HDC: variants seen among roughly 807,000 people sequenced by gnomAD.
The protein encoded by HDC is histidine decarboxylase.
In HDC, 27 loss-of-function variants were observed where a neutral mutation model predicts 64.4. The ratio of observed to expected loss-of-function variants is 0.42; its 90% CI spans 0.31 to 0.58. HDC has a LOEUF of 0.58. Ranked by LOEUF, HDC falls within the 20% of genes least tolerant of loss-of-function variation. The pLI, the probability that HDC is intolerant of heterozygous loss-of-function variation, is 0.16. For missense variants in HDC, 711 were observed against 833.9 expected, an observed-to-expected ratio of 0.85 and a Z score of 1.81; for synonymous variants, 305 against 314.2, an observed-to-expected ratio of 0.97 and a Z score of 0.31.
intron 2 of HDC, among the ~76,000 whole-genome samples, chr15:50,260,913 T>C (rs755421349): frequency 6.6e-6 from 1 of 152,144 alleles, no homozygotes; most frequent in Non-Finnish European, 1.5e-5. Context: ...AGAGTTTTTC[T>C]TCTCTTATTT....
intron 9 of HDC, among the ~76,000 whole-genome samples, chr15:50,252,201 C>T (rs759238035): frequency 2.0e-5 from 3 of 152,246 alleles, no homozygotes; most frequent in African/African-American, 7.2e-5. Flanking sequence ...AATGTGCACA[C>T]TGCCTCAAAG....
At position 50,258,503 on chromosome 15, in the gene HDC, C is replaced by T; in HGVS notation, c.219G>A (p.Gln73=). ...RIIMPGVVHW[Q]SPHMHAYYPA... The stretch of plus-strand genomic sequence containing the variant: ...GGTAGTAGGCGTGCATATGGGGGCT[C>T]TGCCAATGTACCACCTGGAGGCAGA... Residue 73 remains glutamine (Q), a synonymous_variant, in exon 3 of 12, where the codon CAG becomes CAA. Coordinates refer to ENST00000267845, the MANE Select transcript of HDC (RefSeq NM_002112.4). 1 of 1,610,624 alleles carries T rather than the reference C, an allele frequency of 6.2e-7. No individual in the cohort carries two copies. Among genetic ancestry groups the T allele is most frequent in the South Asian group, 1.1e-5 (1 of 90,978 alleles).
intron 10 of HDC, among the ~76,000 whole-genome samples, chr15:50,245,619 G>T (rs760575403): frequency 6.6e-6 from 1 of 152,178 alleles, no homozygotes; most frequent in South Asian, 2.1e-4. Context: ...GCATGGCCAG[G>T]GGTGGTGGCT....
chr15:50,265,705 C>T lies in HDC; in HGVS notation c.-82G>A, dbSNP rs2045758629. The T allele has an allele frequency of 7.4e-7, 1 of 1,343,324 alleles. No individual in the cohort carries two copies. The highest frequency in any genetic ancestry group is 1.1e-6 in the Non-Finnish European group (1 of 936,672). 83.2% of individuals were successfully genotyped at this position (1,343,324 alleles called of 1,614,324 possible). A position where few individuals can be genotyped will look rare whatever the true frequency, so the allele number is the denominator to read the frequency against. On this transcript the variant is annotated 5_prime_UTR_variant, in exon 1 of 12. Transcript: ENST00000267845. ...AAAGGCGTGGAGCAGCCCGGCTTCC[C>T]TCTTGCCAGTCCTGCGCACTCCCTG...
chr15:50,243,402 C>T (rs2045430345), intron 10 of HDC, among the ~76,000 whole-genome samples, 158 bp from the exon 11 acceptor site: 1 of 152,248 alleles, frequency 6.6e-6, no homozygotes, highest in Non-Finnish European at 1.5e-5. Flanking sequence ...TGATTTTGCT[C>T]ATATTCCAAG....
chr15:50,244,465 G>C (rs923343993), intron 10 of HDC, among the ~76,000 whole-genome samples: 8 of 151,738 alleles, frequency 5.3e-5, no homozygotes, highest in African/African-American at 1.9e-4. Flanking sequence ...ACCATGCCCA[G>C]CTACATTTTT....
chr15:50,256,856 A>G (rs1407033779), intron 4 of HDC, among the ~76,000 whole-genome samples: 5 of 152,256 alleles, frequency 3.3e-5, no homozygotes, highest in Non-Finnish European at 7.3e-5. Flanking sequence ...CATGAACGTC[A>G]AGGATTTATA....
In HDC at chr15:50,243,258, T is replaced by A; in HGVS notation, c.1141-14A>T. The A allele has an allele frequency of 6.7e-7, 1 of 1,488,628 alleles. No individual in the cohort carries two copies. Among genetic ancestry groups the A allele is most frequent in the South Asian group, 1.1e-5 (1 of 88,464 alleles). The allele number at this position is 1,488,628 out of a possible 1,614,324, so 92.2% of individuals were successfully genotyped here. ...CATTTCAGTACCCTGGAATTGCAAG[T>A]ATAAAGAGAACTGAGATTAATCATC... On this transcript the variant is annotated splice_polypyrimidine_tract_variant and intron_variant, in intron 10 of 11. Transcript: ENST00000267845.
At chr15:50,252,809 G>A in intron 7 of HDC, 35 bp from the exon 8 acceptor site, 1 of 1,588,248 alleles carries the variant, frequency 6.3e-7, no homozygotes, top group Non-Finnish European at 8.6e-7. Context: ...CGGAGGGGAG[G>A]TATGAAGTGG....
chr15:50,251,883 AGAGT>A (rs1386239085), intron 9 of HDC, among the ~76,000 whole-genome samples: 1 of 151,968 alleles, frequency 6.6e-6, no homozygotes, highest in Admixed American at 6.6e-5. Flanking sequence ...AAAGAGAGAG[AGAGT>A]GAGTTAGAGA....
At chr15:50,257,988 G>C (rs755681254) in intron 3 of HDC, among the ~76,000 whole-genome samples, 1 of 149,994 alleles carries the variant, frequency 6.7e-6, no homozygotes, top group Non-Finnish European at 1.5e-5. Flanking sequence ...GCTGAGTGGT[G>C]CTTAAGGGGT....
At chr15:50,253,489 T>G in intron 7 of HDC, 111 bp downstream of exon 7, 3 of 1,003,820 alleles carry the variant, frequency 3.0e-6, no homozygotes, top group Non-Finnish European at 4.8e-6. Context: ...GTCTCTGCAT[T>G]GACCAAAGAG....
intron 7 of HDC, chr15:50,253,345 G>A (rs890235876): frequency 5.4e-6 from 3 of 553,370 alleles, no homozygotes; most frequent in East Asian, 3.1e-5. Flanking sequence ...TGAGAAAACC[G>A]AAGGCTCTCC....
chr15:50,261,137 G>A (rs2045697927), intron 2 of HDC, among the ~76,000 whole-genome samples: 3 of 152,232 alleles, frequency 2.0e-5, no homozygotes, highest in Admixed American at 6.5e-5. Flanking sequence ...GCTCTATCAA[G>A]AGACAATAGT....
At chr15:50,259,230 G>C (rs2045671948) in intron 2 of HDC, among the ~76,000 whole-genome samples, 1 of 152,174 alleles carries the variant, frequency 6.6e-6, no homozygotes, top group African/African-American at 2.4e-5. Context: ...CCAGTTTCTT[G>C]CAAAAGGCAC....
chr15:50,264,241 G>A lies in HDC; in HGVS notation c.32-834C>T, dbSNP rs573131111. ...ATTCATCTTTTTTGGACTCATATGA[G>A]GACTTAATTCAAGAATCTGATTAAA... On this transcript the variant is annotated intron_variant, in intron 1 of 11. Transcript: ENST00000267845. 2.0e-5 allele frequency among the ~76,000 whole-genome samples: 3 copies of A among 152,184 alleles called. No homozygotes were observed. The South Asian group carries it at 6.2e-4, about 32-fold the overall frequency.
At chr15:50,246,397 A>G (rs1000141474) in intron 10 of HDC, among the ~76,000 whole-genome samples, 3 of 152,226 alleles carry the variant, frequency 2.0e-5, no homozygotes, top group Admixed American at 1.3e-4. Context: ...TGAGTAGGTG[A>G]TCACAGGAAT....
chr15:50,245,728 C>G, intron 10 of HDC, among the ~76,000 whole-genome samples: 1 of 152,042 alleles, frequency 6.6e-6, no homozygotes, highest in East Asian at 1.9e-4. Context: ...AACCCCATCT[C>G]TACAAAAAAT....
rs765892180 is a variant in HDC at position 50,243,157 on chromosome 15, C to T, written c.1228G>A (p.Val410Ile). ...GATGGTATTACCTTTAGACGAAAAACCACCAGGCCAAGGTGCCTCTTGGCA... is the reference window on the plus strand; with the variant it reads ...GATGGTATTACCTTTAGACGAAAAATCACCAGGCCAAGGTGCCTCTTGGCA... ...IPAKRHLGLV[V>I]FRLKGPNCLT... Residue 410 changes from valine (V) to isoleucine (I), a missense_variant, in exon 11 of 12, where the codon GTT (valine) becomes ATT (isoleucine). By Grantham distance (29) the Val-to-Ile change is conservative (BLOSUM62 3). This residue lies in a region of HDC where 483 missense variants were observed against 540.9 expected (regional missense o/e 0.89). Transcript: ENST00000267845. 6.2e-7 allele frequency: 1 copy of T among 1,613,674 alleles called. No homozygotes were observed. Among genetic ancestry groups the T allele is most frequent in the African/African-American group, 1.3e-5 (1 of 74,886 alleles).
Sources: gnomAD v4.1 joint callset for allele counts (sites outside exome capture counted in the v4.1 genomes callset) on GRCh38, gnomAD v4.1.1 for gene constraint, gnomAD v4.1.1 regional missense constraint, MANE v1.5 for transcripts, NCBI Gene and HGNC (gene_info 2026-07-23, HGNC 2026-07-21) for gene names.